COL6A6: variants seen among roughly 807,000 people sequenced by gnomAD.
The protein encoded by COL6A6 is collagen alpha-6(VI) chain.
COL6A6 carries 183 observed loss-of-function variants against 208.6 expected under a neutral mutation model. The observed-to-expected ratio is 0.88, with a 90% CI of 0.78 to 0.99. The LOEUF (loss-of-function observed/expected upper bound fraction) is 0.99. COL6A6 is among the 50% of genes least tolerant of loss of function. The probability of loss-of-function intolerance (pLI) is 0.00; values close to 1 mark genes in which losing one functional copy is unlikely to be tolerated. For synonymous variants in COL6A6, 973 were observed against 1,011.8 expected, an observed-to-expected ratio of 0.96 and a Z score of 0.73; for missense variants, 2,816 against 2,815.2, an observed-to-expected ratio of 1.00 and a Z score of -0.01.
At chr3:130,621,385 A>AAT (rs2108269280) in intron 23 of COL6A6, among the ~76,000 whole-genome samples, 1 of 152,350 alleles carries the variant, frequency 6.6e-6, no homozygotes, top group South Asian at 2.1e-4. Flanking sequence ...TAAGCTTTCT[A>AAT]ATATACATAT....
intron 2 of COL6A6, among the ~76,000 whole-genome samples, chr3:130,561,932 G>T (rs928033524): frequency 1.3e-5 from 2 of 152,128 alleles, no homozygotes; most frequent in South Asian, 2.1e-4. Context: ...GATTACAGGC[G>T]TGAGCCACCG....
At chr3:130,517,528 T>C (rs1419012417) in intron 1 of COL6A6, among the ~76,000 whole-genome samples, 131 bp downstream of exon 1, 2 of 152,242 alleles carry the variant, frequency 1.3e-5, no homozygotes, top group Non-Finnish European at 2.9e-5. Context: ...GGGAAATAAG[T>C]GAATTTCAGA....
In COL6A6 at chr3:130,574,461, C is replaced by G. The variant is rs369477543; in HGVS notation, c.3483C>G (p.Phe1161Leu). The stretch of plus-strand genomic sequence containing the variant: ...AGAAAAAACTGACAGTGCACAACTT[C>G]GATGAACTGAAGAAGGTCAATAAAA... ...TAEKKLTVHNFDELKKVNKRI... is the reference protein window; with the variant it reads ...TAEKKLTVHNLDELKKVNKRI... The change falls in exon 8 of 37, where the codon TTC becomes TTG. Residue 1161 changes from phenylalanine to leucine, a missense_variant. Phe to Leu is a conservative substitution (Grantham distance 22). Transcript: ENST00000358511. 1 of 1,614,014 alleles carries G rather than the reference C, an allele frequency of 6.2e-7. No homozygotes were observed. Among genetic ancestry groups the G allele is most frequent in the Middle Eastern group, 1.6e-4 (1 of 6,062 alleles).
chr3:130,660,567 T>G (rs1255578592), intron 34 of COL6A6, among the ~76,000 whole-genome samples: 1 of 152,244 alleles, frequency 6.6e-6, no homozygotes, highest in Non-Finnish European at 1.5e-5. Context: ...TCCTCAACCA[T>G]CAACTACTAT....
chr3:130,521,166 T>C (rs1577583330), intron 1 of COL6A6, among the ~76,000 whole-genome samples: 1 of 152,210 alleles, frequency 6.6e-6, no homozygotes, highest in African/African-American at 2.4e-5. Flanking sequence ...TCCTACACTT[T>C]AGAGGGGAAA....
chr3:130,566,018 T>C (rs974335480), intron 4 of COL6A6, among the ~76,000 whole-genome samples: 32 of 152,148 alleles, frequency 2.1e-4, no homozygotes, highest in African/African-American at 7.2e-4. Context: ...AATTCCAATT[T>C]AGAGAATAAA....
intron 23 of COL6A6, among the ~76,000 whole-genome samples, chr3:130,615,022 T>G (rs2064475787): frequency 6.6e-6 from 1 of 152,114 alleles, no homozygotes; most frequent in East Asian, 1.9e-4. Context: ...GCTCTGATTT[T>G]GGTTATTTCT....
intron 1 of COL6A6, among the ~76,000 whole-genome samples, chr3:130,559,870 AC>A (rs1325140859): frequency 6.6e-6 from 1 of 152,152 alleles, no homozygotes; most frequent in Non-Finnish European, 1.5e-5. Context: ...AAAGGAAAAA[AC>A]GTGTAATTTT....
chr3:130,610,649 G>T lies in COL6A6; in HGVS notation c.4753G>T (p.Gly1585Cys). Residue 1585 changes from glycine (G) to cysteine (C), a missense_variant and splice_region_variant, in exon 23 of 37, where the codon GGC becomes TGC. Gly to Cys is a radical substitution (Grantham distance 159). Transcript: ENST00000358511. The stretch of plus-strand genomic sequence containing the variant: ...TAATGCTTTAATTCTATGTACTTAG[G>T]GCCCAAGAGGAGAGGCTGGTGTGAA... ...EGSLGLKGPQGPRGEAGVKGE... is the reference protein window; with the variant it reads ...EGSLGLKGPQCPRGEAGVKGE... The T allele has an allele frequency of 1.3e-6, 2 of 1,585,682 alleles. No individual in the cohort carries two copies. Among genetic ancestry groups the T allele is most frequent in the South Asian group, 1.2e-5 (1 of 86,308 alleles).
At chr3:130,566,668 A>G in intron 4 of COL6A6, 34 bp from the exon 5 acceptor site, 1 of 1,529,498 alleles carries the variant, frequency 6.5e-7, no homozygotes, top group Non-Finnish European at 8.8e-7. Context: ...ATGCTTGCTC[A>G]AATGCCACAT....
intron 1 of COL6A6, among the ~76,000 whole-genome samples, chr3:130,542,302 ATGT>A (rs1412876689): frequency 2.6e-5 from 4 of 151,286 alleles, no homozygotes; most frequent in African/African-American, 4.9e-5. Context: ...ATTTGGAAGT[ATGT>A]TGTTTTATCG....
chr3:130,546,392 A>C (rs1030154887), intron 1 of COL6A6, among the ~76,000 whole-genome samples: 1 of 152,156 alleles, frequency 6.6e-6, no homozygotes, highest in Non-Finnish European at 1.5e-5. Flanking sequence ...CAGATCTTCG[A>C]GGTGAGTGTT....
chr3:130,569,859 A>G (rs1002453604), intron 6 of COL6A6, among the ~76,000 whole-genome samples: 7 of 152,204 alleles, frequency 4.6e-5, no homozygotes, highest in African/African-American at 1.7e-4. Context: ...GATAAGTACA[A>G]TGGCTCTAAG....
Position 130,641,725 on chromosome 3 carries a change from A to G in COL6A6, c.5154+11A>G. The G allele has an allele frequency of 6.5e-7, 1 of 1,543,232 alleles. No homozygotes were observed. Among genetic ancestry groups the G allele is most frequent in the Non-Finnish European group, 8.9e-7 (1 of 1,120,086 alleles). ...CCTCCTGGACGTAAGGTAAGTAGAA[A>G]AACTATAAACCACAGCAGGTCCTTT... On this transcript the variant is annotated intron_variant, in intron 29 of 36. Transcript: ENST00000358511.
At chr3:130,655,843 C>G (rs1481303962) in intron 33 of COL6A6, among the ~76,000 whole-genome samples, 1 of 152,220 alleles carries the variant, frequency 6.6e-6, no homozygotes, top group Non-Finnish European at 1.5e-5. Context: ...ACCCATTCAG[C>G]CTGGCAGGCT....
intron 20 of COL6A6, among the ~76,000 whole-genome samples, 157 bp from the exon 21 acceptor site, chr3:130,606,774 A>G (rs1048837755): frequency 2.6e-5 from 4 of 152,180 alleles, no homozygotes; most frequent in Non-Finnish European, 5.9e-5. Flanking sequence ...ATTTAGCAGT[A>G]TTTTGCTTTC....
intron 24 of COL6A6, among the ~76,000 whole-genome samples, chr3:130,622,345 C>T (rs1365618820): frequency 6.6e-6 from 1 of 151,886 alleles, no homozygotes; most frequent in Non-Finnish European, 1.5e-5. Flanking sequence ...TCATTGATTC[C>T]ATCCTCCATG....
At chr3:130,546,352 G>A (rs891939281) in intron 1 of COL6A6, among the ~76,000 whole-genome samples, 1 of 152,086 alleles carries the variant, frequency 6.6e-6, no homozygotes, top group Non-Finnish European at 1.5e-5. Context: ...CAGTGGGTTC[G>A]TGGTCTCGCT....
chr3:130,597,021 A>G (rs1378294036), intron 18 of COL6A6, among the ~76,000 whole-genome samples: 1 of 152,168 alleles, frequency 6.6e-6, no homozygotes, highest in East Asian at 1.9e-4. Flanking sequence ...TCTGTATGCA[A>G]TTTGGGTTGT....
Sources: gnomAD v4.1 joint callset for allele counts (sites outside exome capture counted in the v4.1 genomes callset) on GRCh38, gnomAD v4.1.1 for gene constraint, MANE v1.5 for transcripts, NCBI Gene and HGNC (gene_info 2026-07-23, HGNC 2026-07-21) for gene names.